Variants in PCM1 observed in about 807,000 individuals in gnomAD.
PCM1 encodes the protein pericentriolar material 1.
A neutral mutation model predicts 241.9 loss-of-function variants in PCM1; 157 were observed. The observed-to-expected ratio is 0.65, with a 90% CI of 0.57 to 0.74. The LOEUF (loss-of-function observed/expected upper bound fraction) is 0.74, where lower values mean the gene tolerates loss of function less well. Ranked by LOEUF, PCM1 falls within the 30% of genes least tolerant of loss-of-function variation. PCM1 has a pLI of 0.00. For synonymous variants in PCM1, 1,085 were observed against 784.9 expected (o/e 1.38, Z -6.39); for missense variants, 3,478 against 2,360.1 (o/e 1.47, Z -9.81).
intron 2 of PCM1, among the ~76,000 whole-genome samples, chr8:17,931,268 C>T (rs950620384): frequency 3.3e-5 from 5 of 151,796 alleles, no homozygotes; most frequent in African/African-American, 9.7e-5. Flanking sequence ...AAATAGAATG[C>T]GTAAAACATT....
intron 29 of PCM1, among the ~76,000 whole-genome samples, chr8:17,998,170 ATTTGGTCCCTTTGTTGAGGTCATGATT>A (rs1391935478): frequency 3.9e-5 from 6 of 151,968 alleles, no homozygotes; most frequent in Non-Finnish European, 2.9e-5. Context: ...CTGGTGCCTT[ATTTGGTCCCTTTGTTGAGGTCATGATT>A]TTTGGTCCCT....
chr8:18,025,353 C>A lies in PCM1; in HGVS notation c.5842-8C>A. 2.0e-6 allele frequency: 3 copies of A among 1,482,308 alleles called. No individual in the cohort carries two copies. Among genetic ancestry groups the A allele is most frequent in the Non-Finnish European group, 1.9e-6 (2 of 1,071,792 alleles). The allele number at this position is 1,482,308 out of a possible 1,614,324, so 91.8% of individuals were successfully genotyped here. ...GAGTATGTATTTTTTTTTTTCATTA[C>A]ATTACAGGAAGCAGAATCTGGTAAT... On this transcript the variant is annotated splice_polypyrimidine_tract_variant and splice_region_variant and intron_variant, in intron 36 of 38. Transcript: ENST00000325083.
In PCM1 at chr8:18,006,959, A is replaced by G. The variant is rs181363257; in HGVS notation, c.4962+562A>G. Among the ~76,000 whole-genome samples the G allele has an allele frequency of 1.3e-5, 2 of 152,314 alleles. 1 individual carries two copies. The highest frequency in any genetic ancestry group is 2.9e-5 in the Non-Finnish European group (2 of 68,004). ...GGACAGGTACTGGCAACTAATGGGT[A>G]GAGACCAGGAAGAATCTTGATAAAC... On this transcript the variant is annotated intron_variant, in intron 30 of 38. Coordinates refer to ENST00000325083, the MANE Select transcript of PCM1 (RefSeq NM_006197.4).
intron 15 of PCM1, among the ~76,000 whole-genome samples, chr8:17,961,327 T>TTTG (rs1445527403): frequency 2.7e-5 from 4 of 147,624 alleles, no homozygotes; most frequent in Admixed American, 1.4e-4. Context: ...TTTTTTTTTT[T>TTTG]TGAGACGGAG....
intron 2 of PCM1, chr8:17,927,162 T>A (rs1468017261): frequency 6.7e-6 from 1 of 149,764 alleles, no homozygotes; most frequent in Non-Finnish European, 1.5e-5. Context: ...AGTCTTGCTC[T>A]GTTGTCCAGG....
chr8:18,003,437 G>C (rs2090271524), intron 29 of PCM1, among the ~76,000 whole-genome samples: 1 of 152,254 alleles, frequency 6.6e-6, no homozygotes, highest in Middle Eastern at 3.4e-3. Context: ...CCCACATTAT[G>C]TCCTTTACCT....
intron 38 of PCM1, 77 bp from the exon 39 acceptor site, chr8:18,027,560 C>A: frequency 4.9e-6 from 5 of 1,014,268 alleles, no homozygotes; most frequent in African/African-American, 1.6e-5. Flanking sequence ...AAAGTAAAAG[C>A]TTTAATGACA....
intron 6 of PCM1, among the ~76,000 whole-genome samples, chr8:17,941,924 G>C (rs2062192796): frequency 6.6e-6 from 1 of 152,068 alleles, no homozygotes; most frequent in South Asian, 2.1e-4. Flanking sequence ...TTCTGTTGTT[G>C]CTATTACTCT....
chr8:17,939,894 T>A (rs2061524925), intron 6 of PCM1, 33 bp downstream of exon 6: 9 of 1,310,202 alleles, frequency 6.9e-6, no homozygotes, highest in Non-Finnish European at 9.5e-6. Flanking sequence ...AACATATTAT[T>A]TTTGTAGTAT....
chr8:17,999,153 G>A (rs920698708), intron 29 of PCM1, among the ~76,000 whole-genome samples: 3 of 151,934 alleles, frequency 2.0e-5, no homozygotes, highest in Admixed American at 6.5e-5. Context: ...CACTGTGATC[G>A]CTCTGGTACT....
chr8:18,002,923 C>T (rs1002209808), intron 29 of PCM1, among the ~76,000 whole-genome samples: 1 of 152,156 alleles, frequency 6.6e-6, no homozygotes, highest in Non-Finnish European at 1.5e-5. Context: ...GACCTTTCAA[C>T]TCTCCTACTA....
chr8:18,006,415 T>G lies in PCM1; in HGVS notation c.4962+18T>G. On this transcript the variant is annotated intron_variant, in intron 30 of 38. Transcript: ENST00000325083. ...TATTACAGGTAAGAGTTTATACTTGTATGATTTACCAATATGTACTGTGTG... is the reference window on the plus strand; with the variant it reads ...TATTACAGGTAAGAGTTTATACTTGGATGATTTACCAATATGTACTGTGTG... 1 of 1,575,564 alleles carries G rather than the reference T, an allele frequency of 6.3e-7. No individual in the cohort carries two copies. The highest frequency in any genetic ancestry group is 8.7e-7 in the Non-Finnish European group (1 of 1,145,446).
chr8:17,992,480 T>G (rs2085025759), intron 28 of PCM1, among the ~76,000 whole-genome samples: 1 of 152,142 alleles, frequency 6.6e-6, no homozygotes, highest in Non-Finnish European at 1.5e-5. Flanking sequence ...AGTTTGTGCT[T>G]TGATTTGCAT....
intron 36 of PCM1, among the ~76,000 whole-genome samples, chr8:18,023,345 C>G (rs2093911663): frequency 6.6e-6 from 1 of 152,066 alleles, no homozygotes. Flanking sequence ...TGAAGGGGTT[C>G]TAGATTTTGT....
chr8:17,970,140 A>G (rs767104464), intron 22 of PCM1, among the ~76,000 whole-genome samples: 1 of 152,168 alleles, frequency 6.6e-6, no homozygotes, highest in African/African-American at 2.4e-5. Context: ...GCCTATTCAA[A>G]TATAATGTTG....
At chr8:18,015,768 C>T (rs901114296) in intron 36 of PCM1, 1 of 152,160 alleles carries the variant, frequency 6.6e-6, no homozygotes, top group Admixed American at 6.5e-5. Context: ...CTGGAAGCAT[C>T]GAGGAACCAG....
intron 24 of PCM1, among the ~76,000 whole-genome samples, chr8:17,984,709 T>G (rs968457812): frequency 6.6e-6 from 1 of 151,978 alleles, no homozygotes; most frequent in African/African-American, 2.4e-5. Context: ...ACTCAACATT[T>G]TAAATGGATA....
chr8:17,966,250 C>T (rs1390134211), intron 19 of PCM1, 32 bp downstream of exon 19: 1 of 1,607,996 alleles, frequency 6.2e-7, no homozygotes, highest in South Asian at 1.1e-5. Context: ...TATTTTTCGT[C>T]TATTTTTATA....
chr8:18,025,669 T>A lies in PCM1; in HGVS notation c.6049+11T>A. 1.4e-6 allele frequency: 2 copies of A among 1,379,742 alleles called. No homozygotes were observed. The highest frequency in any genetic ancestry group is 2.0e-6 in the Non-Finnish European group (2 of 997,400). The allele number at this position is 1,379,742 out of a possible 1,614,324, so 85.5% of individuals were successfully genotyped here. On this transcript the variant is annotated intron_variant, in intron 38 of 38. Transcript: ENST00000325083. ...CACTAAAAGAACCTGGTAAGAGTTATCAATTTAAATCTTGCCATATTGAAA... is the reference window on the plus strand; with the variant it reads ...CACTAAAAGAACCTGGTAAGAGTTAACAATTTAAATCTTGCCATATTGAAA...
Sources: allele counts gnomAD v4.1 joint callset (sites outside exome capture counted in the v4.1 genomes callset), GRCh38; gene constraint gnomAD v4.1.1; transcripts MANE v1.5; gene names NCBI Gene and HGNC (gene_info 2026-07-23, HGNC 2026-07-21).